Variants in PDE4B observed in about 807,000 individuals in gnomAD.
PDE4B encodes the protein 3',5'-cyclic-AMP phosphodiesterase 4B.
A neutral mutation model predicts 82.2 loss-of-function variants in PDE4B; 20 were observed. The observed-to-expected ratio is 0.24, with a 90% CI of 0.17 to 0.35. PDE4B has a LOEUF of 0.35. Ranked by LOEUF, PDE4B falls within the 10% of genes least tolerant of loss-of-function variation. The pLI is 1.00. For missense variants in PDE4B, 655 were observed against 907.2 expected (o/e 0.72, Z 3.57); for synonymous variants, 320 against 318.9 (o/e 1.00, Z -0.04).
In PDE4B at chr1:65,895,299, C is replaced by T. The variant is rs141658428; in HGVS notation, c.-70-17946C>T. Among the ~76,000 whole-genome samples, 321 of 152,006 alleles carry T rather than the reference C, an allele frequency of 2.1e-3. 4 individuals are homozygous for T. The highest frequency in any genetic ancestry group is 7.2e-3 in the African/African-American group (299 of 41,466). ...GTGCGGTGGCTCACACCTGTAATAC[C>T]AGCACTTTGGGGGGCCGAAACAGGT... On this transcript the variant is annotated intron_variant, in intron 1 of 16. Coordinates refer to ENST00000341517, the MANE Select transcript of PDE4B (RefSeq NM_002600.4).
chr1:66,042,184 TAAA>T (rs1654425401), intron 3 of PDE4B, among the ~76,000 whole-genome samples: 1 of 151,898 alleles, frequency 6.6e-6, no homozygotes, highest in Non-Finnish European at 1.5e-5. Flanking sequence ...GTATAGCTGT[TAAA>T]GTGATTGATA....
chr1:66,019,381 AG>A (rs1557501930), intron 3 of PDE4B, among the ~76,000 whole-genome samples: 1 of 112,674 alleles, frequency 8.9e-6, no homozygotes, highest in African/African-American at 3.3e-5. Context: ...TTTGAGATGG[AG>A]TCTTGCTCTG....
At chr1:66,046,954 A>G (rs1557522241) in intron 3 of PDE4B, among the ~76,000 whole-genome samples, 1 of 151,926 alleles carries the variant, frequency 6.6e-6, no homozygotes, top group Non-Finnish European at 1.5e-5. Flanking sequence ...TTAGATTTTT[A>G]TCTATTTGAT....
intron 1 of PDE4B, among the ~76,000 whole-genome samples, chr1:65,821,248 CT>C (rs2101242658): frequency 6.6e-6 from 1 of 152,288 alleles, no homozygotes; most frequent in Admixed American, 6.5e-5. Context: ...CTTTTTTATT[CT>C]TGCTTAAGGT....
At position 66,279,731 on chromosome 1, in the gene PDE4B, G is replaced by A. The variant is rs115016291; in HGVS notation, c.634+13644G>A. On this transcript the variant is annotated intron_variant, in intron 7 of 16. Coordinates refer to ENST00000341517, the MANE Select transcript of PDE4B (RefSeq NM_002600.4). ...GAATTTGGCTCATGAAATTATAGTG[G>A]TTGACAAGCTTGAAATCTATAGAGC... is the stretch of plus-strand genomic sequence containing the variant. 5.0e-3 allele frequency among the ~76,000 whole-genome samples: 757 copies of A among 152,302 alleles called. 6 individuals carry two copies. Among genetic ancestry groups the A allele is most frequent in the African/African-American group, 0.017 (724 of 41,544 alleles).
At chr1:66,199,379 T>G (rs1042940621) in intron 3 of PDE4B, among the ~76,000 whole-genome samples, 19 of 152,344 alleles carry the variant, frequency 1.2e-4, no homozygotes, top group Middle Eastern at 3.4e-3. Context: ...GAGCATTTTT[T>G]CATGTGTTTT....
chr1:66,221,639 G>T (rs1650997715), intron 3 of PDE4B, among the ~76,000 whole-genome samples: 1 of 152,088 alleles, frequency 6.6e-6, no homozygotes, highest in African/African-American at 2.4e-5. Flanking sequence ...TCAAAACCAA[G>T]TGTCCTCATT....
chr1:65,907,354 G>T (rs1647038434), intron 1 of PDE4B, among the ~76,000 whole-genome samples: 1 of 151,310 alleles, frequency 6.6e-6, no homozygotes, highest in Non-Finnish European at 1.5e-5. Context: ...TTTATAGTTT[G>T]TGTTTATTTC....
At chr1:66,362,448 A>G (rs780257633) in intron 10 of PDE4B, among the ~76,000 whole-genome samples, 3 of 152,146 alleles carry the variant, frequency 2.0e-5, no homozygotes, top group Non-Finnish European at 4.4e-5. Context: ...GTGAGCAGTA[A>G]GACCTTCTGA....
intron 3 of PDE4B, among the ~76,000 whole-genome samples, chr1:65,954,460 A>G (rs1649156297): frequency 6.6e-6 from 1 of 152,134 alleles, no homozygotes; most frequent in Admixed American, 6.6e-5. Context: ...TAAGTTATAT[A>G]TCACGTTCAT....
intron 1 of PDE4B, among the ~76,000 whole-genome samples, chr1:65,809,102 G>A (rs1031780923): frequency 6.6e-6 from 1 of 151,922 alleles, no homozygotes; most frequent in Admixed American, 6.6e-5. Flanking sequence ...ATGCTGAGGC[G>A]GGTGGATCAC....
chr1:66,034,366 A>G (rs1466210413), intron 3 of PDE4B, among the ~76,000 whole-genome samples: 2 of 152,142 alleles, frequency 1.3e-5, no homozygotes, highest in African/African-American at 4.8e-5. Context: ...TCTTCTTTGG[A>G]CTTTAGGTCA....
chr1:66,127,303 G>A (rs1570298525), intron 3 of PDE4B, among the ~76,000 whole-genome samples: 1 of 152,196 alleles, frequency 6.6e-6, no homozygotes, highest in African/African-American at 2.4e-5. Flanking sequence ...TACTCTTTCT[G>A]TAGCTTTTTT....
At chr1:66,130,740 G>C (rs1645924319) in intron 3 of PDE4B, among the ~76,000 whole-genome samples, 1 of 152,158 alleles carries the variant, frequency 6.6e-6, no homozygotes, top group Non-Finnish European at 1.5e-5. Context: ...GGTCATCCCA[G>C]CTCCAGATCC....
rs115091648 is a variant in PDE4B at position 66,325,743 on chromosome 1, T to A, written c.635-6765T>A. Among the ~76,000 whole-genome samples, 550 of 152,246 alleles carry A rather than the reference T, an allele frequency of 3.6e-3. 4 individuals carry two copies. Among genetic ancestry groups the A allele is most frequent in the African/African-American group, 0.013 (530 of 41,528 alleles). Reference sequence around the variant, plus strand: ...GCCAAATCAAAACTCTGTCAATGACTCAGCTGTCAAATACATGTCAATATA... The same window carrying A: ...GCCAAATCAAAACTCTGTCAATGACACAGCTGTCAAATACATGTCAATATA... On this transcript the variant is annotated intron_variant, in intron 7 of 16. Coordinates refer to ENST00000341517, the MANE Select transcript of PDE4B (RefSeq NM_002600.4).
chr1:66,014,536 G>T (rs1476841145), intron 3 of PDE4B, among the ~76,000 whole-genome samples: 1 of 151,760 alleles, frequency 6.6e-6, no homozygotes, highest in Non-Finnish European at 1.5e-5. Context: ...ATGTTTTGTT[G>T]GTACCCAGCT....
At chr1:66,200,063 T>G (rs1453507824) in intron 3 of PDE4B, among the ~76,000 whole-genome samples, 1 of 152,208 alleles carries the variant, frequency 6.6e-6, no homozygotes, top group East Asian at 1.9e-4. Context: ...TTTGTACATA[T>G]GGCTAGCCAG....
intron 3 of PDE4B, among the ~76,000 whole-genome samples, chr1:66,173,686 C>T (rs1646880601): frequency 6.6e-6 from 1 of 152,142 alleles, no homozygotes; most frequent in Non-Finnish European, 1.5e-5. Context: ...AAGCCCTCTA[C>T]CTGATTAAGA....
At chr1:66,138,116 A>G (rs900050184) in intron 3 of PDE4B, among the ~76,000 whole-genome samples, 1 of 152,260 alleles carries the variant, frequency 6.6e-6, no homozygotes, top group Non-Finnish European at 1.5e-5. Context: ...TCATTACAAT[A>G]TACGTAGTTT....
Sources: allele counts gnomAD v4.1 joint callset (sites outside exome capture counted in the v4.1 genomes callset), GRCh38; gene constraint gnomAD v4.1.1; transcripts MANE v1.5; gene names NCBI Gene and HGNC (gene_info 2026-07-23, HGNC 2026-07-21).